Variants in COL26A1 observed in about 807,000 individuals in gnomAD.
COL26A1 encodes collagen type XXVI alpha 1 chain.
In COL26A1, 41 loss-of-function variants were observed where a neutral mutation model predicts 59.3. The ratio of observed to expected loss-of-function variants is 0.69; its 90% CI spans 0.54 to 0.90. The LOEUF is 0.90. Among genes scored for constraint, COL26A1 ranks in the 40% least tolerant of loss-of-function variants. COL26A1 has a pLI of 0.00. For synonymous variants in COL26A1, 266 were observed against 256.0 expected, an observed-to-expected ratio of 1.04 and a Z score of -0.37; for missense variants, 612 against 602.3, an observed-to-expected ratio of 1.02 and a Z score of -0.17.
intron 1 of COL26A1, among the ~76,000 whole-genome samples, chr7:101,401,516 CAGGAGGACAAAGAGA>C (rs746490890): frequency 1.5e-5 from 2 of 133,358 alleles, no homozygotes; most frequent in Non-Finnish European, 3.1e-5. Flanking sequence ...GGAGGGGGAG[CAGGAGGACAAAGAGA>C]AGGAGGAGGA....
intron 3 of COL26A1, among the ~76,000 whole-genome samples, chr7:101,521,885 T>G (rs1795147552): frequency 6.6e-6 from 1 of 152,128 alleles, no homozygotes; most frequent in Non-Finnish European, 1.5e-5. Context: ...TAGGTACTTG[T>G]TTGAGTCTGT....
At chr7:101,547,051 C>T in intron 7 of COL26A1, 105 bp from the exon 8 acceptor site, 1 of 734,044 alleles carries the variant, frequency 1.4e-6, no homozygotes, top group South Asian at 1.8e-5. Context: ...GAGGAGCCCC[C>T]CTGGGCTTCG....
intron 2 of COL26A1, among the ~76,000 whole-genome samples, chr7:101,435,634 G>C (rs911224764): frequency 6.6e-6 from 1 of 151,990 alleles, no homozygotes; most frequent in African/African-American, 2.4e-5. Flanking sequence ...CACCACCCTA[G>C]TCCCCTCCTA....
At chr7:101,393,694 ACCTC>A (rs1389760593) in intron 1 of COL26A1, among the ~76,000 whole-genome samples, 2 of 151,982 alleles carry the variant, frequency 1.3e-5, no homozygotes, top group African/African-American at 4.8e-5. Context: ...TGATCCACCT[ACCTC>A]AGCCTCCCAA....
At chr7:101,375,729 T>C (rs1332656010) in intron 1 of COL26A1, among the ~76,000 whole-genome samples, 2 of 151,466 alleles carry the variant, frequency 1.3e-5, no homozygotes, top group Non-Finnish European at 2.9e-5. Flanking sequence ...GGCTCACGCT[T>C]GTAATCCCAG....
chr7:101,444,280 A>G (rs566478019), intron 2 of COL26A1, among the ~76,000 whole-genome samples: 79 of 152,166 alleles, frequency 5.2e-4, no homozygotes, highest in African/African-American at 1.8e-3. Context: ...GGTGTTCAAT[A>G]AACCCACTTT....
At chr7:101,503,714 T>C (rs1558015) in intron 3 of COL26A1, among the ~76,000 whole-genome samples, 98,017 of 152,166 alleles carry the variant, frequency 0.64, 34,080 homozygotes, top group African/African-American at 0.89. Context: ...GCCCCAGCAC[T>C]TGCGGACAGG....
intron 8 of COL26A1, 50 bp downstream of exon 8, chr7:101,547,289 C>A: frequency 7.4e-7 from 1 of 1,357,456 alleles, no homozygotes; most frequent in Non-Finnish European, 1.0e-6. Flanking sequence ...CCCCCCAGGG[C>A]TGGCCTGAGC....
intron 3 of COL26A1, among the ~76,000 whole-genome samples, chr7:101,510,964 G>A (rs1321648745): frequency 6.9e-6 from 1 of 144,824 alleles, no homozygotes; most frequent in Non-Finnish European, 1.5e-5. Flanking sequence ...GCAGTGGCAC[G>A]ATGTCGGCTC....
intron 12 of COL26A1, among the ~76,000 whole-genome samples, chr7:101,556,531 G>T (rs1193852164): frequency 1.3e-5 from 2 of 152,116 alleles, no homozygotes; most frequent in African/African-American, 4.8e-5. Flanking sequence ...AGGTGGATAG[G>T]TGGATGAGTG....
chr7:101,419,926 T>TG lies in COL26A1; in HGVS notation c.159-49dup, dbSNP rs1442513969. ...CCAGCACGGCCCCCTGACCCGAAGTTGGCAGCTCTGGGAACAGGCAGGGCT... is the reference window on the plus strand; with the variant it reads ...CCAGCACGGCCCCCTGACCCGAAGTTGGGCAGCTCTGGGAACAGGCAGGGCT... On this transcript the variant is annotated intron_variant, in intron 1 of 12. Coordinates refer to ENST00000313669, the MANE Select transcript of COL26A1 (RefSeq NM_001278563.3). 2.5e-6 allele frequency: 4 copies of TG among 1,594,966 alleles called. No homozygotes were observed. The African/African-American group carries it at 5.4e-5, about 21-fold the overall frequency.
In COL26A1 at chr7:101,484,109, C is replaced by T. The variant is rs1466015150; in HGVS notation, c.385+36322C>T. On this transcript the variant is annotated intron_variant, in intron 3 of 12. Coordinates refer to ENST00000313669, the MANE Select transcript of COL26A1 (RefSeq NM_001278563.3). ...GAGTGAGCCTCCCACCTCAACCTCC[C>T]GAGGTGCTGAGGTTACAAATGTGAG... is the stretch of plus-strand genomic sequence containing the variant. Among the ~76,000 whole-genome samples the T allele has an allele frequency of 6.6e-5, 10 of 151,574 alleles. No individual in the cohort carries two copies. In the South Asian group the frequency reaches 8.4e-4, roughly 13 times the overall value.
At chr7:101,370,927 T>G (rs1005896846) in intron 1 of COL26A1, among the ~76,000 whole-genome samples, 12 of 151,438 alleles carry the variant, frequency 7.9e-5, no homozygotes, top group African/African-American at 2.9e-4. Flanking sequence ...GGGTAGCCCC[T>G]GCATCTGTGA....
At chr7:101,417,867 G>A (rs575150662) in intron 1 of COL26A1, among the ~76,000 whole-genome samples, 191 of 151,978 alleles carry the variant, frequency 1.3e-3, no homozygotes, top group African/African-American at 4.4e-3. Context: ...GTCTACAGGT[G>A]TGTGCCACCA....
intron 12 of COL26A1, among the ~76,000 whole-genome samples, chr7:101,556,489 G>A (rs779792942): frequency 1.5e-4 from 23 of 152,124 alleles, no homozygotes; most frequent in Non-Finnish European, 2.8e-4. Flanking sequence ...ATAGATAGAT[G>A]AATGAATGAA....
chr7:101,404,441 C>T (rs114355360), intron 1 of COL26A1, among the ~76,000 whole-genome samples: 5 of 152,174 alleles, frequency 3.3e-5, no homozygotes, highest in Admixed American at 1.3e-4. Flanking sequence ...CCCTCCCCCC[C>T]CAAATGGCTT....
chr7:101,527,903 C>G (rs1795284354), intron 3 of COL26A1, among the ~76,000 whole-genome samples: 1 of 152,084 alleles, frequency 6.6e-6, no homozygotes, highest in South Asian at 2.1e-4. Context: ...GGTCACAGAG[C>G]CAGGAGGGGG....
rs562728514 is a variant in COL26A1 at position 101,412,025 on chromosome 7, A to T, written c.159-7952A>T. 2.6e-5 allele frequency among the ~76,000 whole-genome samples: 4 copies of T among 152,192 alleles called. No individual in the cohort carries two copies. The South Asian group carries it at 6.2e-4, about 24-fold the overall frequency. ...CCTGGGGAGGGAGGGGACGCATGAG[A>T]TCAACCCTCAAAGCAAAGCTCAGTT... On this transcript the variant is annotated intron_variant, in intron 1 of 12. Coordinates refer to ENST00000313669, the MANE Select transcript of COL26A1 (RefSeq NM_001278563.3).
At chr7:101,414,381 C>CCTCT (rs35093515) in intron 1 of COL26A1, among the ~76,000 whole-genome samples, 1,765 of 145,514 alleles carry the variant, frequency 0.012, 11 homozygotes, top group South Asian at 0.031. Context: ...AGGAAAGTCA[C>CCTCT]CTCTCTCTCT....
Sources: allele counts gnomAD v4.1 joint callset (sites outside exome capture counted in the v4.1 genomes callset), GRCh38; gene constraint gnomAD v4.1.1; transcripts MANE v1.5; gene names NCBI Gene and HGNC (gene_info 2026-07-23, HGNC 2026-07-21).